Variants in TULP3 observed in about 807,000 individuals in gnomAD.
The protein encoded by TULP3 is TUB like protein 3, also known as tubby-related protein 3.
A neutral mutation model predicts 50.7 loss-of-function variants in TULP3; 38 were observed. The observed-to-expected ratio is 0.75, with a 90% CI of 0.58 to 0.98. The LOEUF (loss-of-function observed/expected upper bound fraction) is 0.98. Among genes scored for constraint, TULP3 ranks in the 50% least tolerant of loss-of-function variants. The pLI, the probability that TULP3 is intolerant of heterozygous loss-of-function variation, is 0.00. For synonymous variants in TULP3, 183 were observed against 196.6 expected (o/e 0.93, Z 0.58); for missense variants, 550 against 568.0 (o/e 0.97, Z 0.32).
intron 4 of TULP3, 110 bp from the exon 5 acceptor site, chr12:2,930,138 C>T (rs1315688356): frequency 3.7e-5 from 27 of 721,738 alleles, no homozygotes; most frequent in Non-Finnish European, 5.3e-5. Context: ...GTTGTGTTTA[C>T]GGTCAGAATA....
chr12:2,933,467 A>G lies in TULP3; in HGVS notation c.746A>G (p.Tyr249Cys), dbSNP rs1412934880. 6 of 1,613,878 alleles carry G rather than the reference A, an allele frequency of 3.7e-6. No individual in the cohort carries two copies. The highest frequency in any genetic ancestry group is 5.1e-6 in the Non-Finnish European group (6 of 1,180,008). The change falls in exon 7 of 11, where the codon TAC becomes TGC. Residue 249 changes from tyrosine to cysteine, a missense_variant. Tyr to Cys is a radical substitution (Grantham distance 194, BLOSUM62 -2). Transcript: ENST00000448120. ...RKRKKSKTANYLISIDPVDLS... is the reference protein window; with the variant it reads ...RKRKKSKTANCLISIDPVDLS... The stretch of plus-strand genomic sequence containing the variant: ...CGGAAAAAGAGCAAAACAGCCAACT[A>G]CCTTATCTCCATTGATCCAGTTGAT...
chr12:2,907,443 C>T (rs983896969), intron 1 of TULP3, among the ~76,000 whole-genome samples: 1 of 142,108 alleles, frequency 7.0e-6, no homozygotes, highest in Admixed American at 7.6e-5. Flanking sequence ...CCACTGCACT[C>T]CAGCCTGGGC....
At chr12:2,924,628 C>G (rs1250452542) in intron 4 of TULP3, among the ~76,000 whole-genome samples, 1 of 151,498 alleles carries the variant, frequency 6.6e-6, no homozygotes, top group Non-Finnish European at 1.5e-5. Context: ...ATGCAGTGAG[C>G]TATGATCATG....
chr12:2,910,293 C>T (rs7487042), intron 2 of TULP3, among the ~76,000 whole-genome samples: 72,435 of 151,686 alleles, frequency 0.48, 17,734 homozygotes, highest in African/African-American at 0.6. Context: ...AAAAAAAATC[C>T]CCATCGCATA....
At chr12:2,913,452 T>C (rs2098186855) in intron 2 of TULP3, among the ~76,000 whole-genome samples, 1 of 151,884 alleles carries the variant, frequency 6.6e-6, no homozygotes, top group African/African-American at 2.4e-5. Flanking sequence ...TATTTAGAGA[T>C]GGGATCTTGC....
chr12:2,897,327 C>T (rs1037847672), intron 1 of TULP3, among the ~76,000 whole-genome samples: 1 of 148,446 alleles, frequency 6.7e-6, no homozygotes, highest in Non-Finnish European at 1.5e-5. Flanking sequence ...TTTTTTAATA[C>T]AGGGGAAATT....
At chr12:2,906,272 C>T (rs1407141015) in intron 1 of TULP3, among the ~76,000 whole-genome samples, 1 of 149,022 alleles carries the variant, frequency 6.7e-6, no homozygotes, top group Admixed American at 6.6e-5. Flanking sequence ...CCTCGTGATC[C>T]GCTGGCCTCG....
chr12:2,915,585 C>T (rs2098188167), intron 2 of TULP3, among the ~76,000 whole-genome samples: 1 of 149,954 alleles, frequency 6.7e-6, no homozygotes, highest in African/African-American at 2.5e-5. Context: ...TGTCGCCAGG[C>T]TGGAGTGCAG....
chr12:2,893,819 T>C (rs1224351976), intron 1 of TULP3, among the ~76,000 whole-genome samples: 1 of 151,762 alleles, frequency 6.6e-6, no homozygotes, highest in Non-Finnish European at 1.5e-5. Context: ...TAATTTTTAT[T>C]TTTTTGTAGA....
Position 2,922,248 on chromosome 12 carries a change from A to G in TULP3, c.254-14A>G, listed in dbSNP as rs767560445. ...TTGCTCCTTTTTTAAAATTCATTTT[A>G]TTTTGGCCCTTAGGTATTGATGGTC... On this transcript the variant is annotated splice_polypyrimidine_tract_variant and intron_variant, in intron 3 of 10. Transcript: ENST00000448120. 2.5e-6 allele frequency: 4 copies of G among 1,603,950 alleles called. No individual in the cohort carries two copies. The highest frequency in any genetic ancestry group is 1.3e-5 in the African/African-American group (1 of 74,278).
Position 2,940,376 on chromosome 12 carries a change from A to T in TULP3, c.*932A>T. On this transcript the variant is annotated 3_prime_UTR_variant, in exon 11 of 11. Transcript: ENST00000448120. Reference sequence around the variant, plus strand: ...GGCTTTGGGGAGGATCAGCCAGCAGACATGAGCACTGCTGGCCCGTGTGGC... The same window carrying T: ...GGCTTTGGGGAGGATCAGCCAGCAGTCATGAGCACTGCTGGCCCGTGTGGC... 6.8e-7 allele frequency: 1 copy of T among 1,461,370 alleles called. No individual in the cohort carries two copies. The allele number at this position is 1,461,370 out of a possible 1,614,324, so 90.5% of individuals were successfully genotyped here.
chr12:2,932,534 TG>T (rs1346230341), intron 6 of TULP3, among the ~76,000 whole-genome samples: 2 of 147,008 alleles, frequency 1.4e-5, no homozygotes, highest in Non-Finnish European at 3.0e-5. Context: ...GAGCTGTGAT[TG>T]CACCACTGCA....
chr12:2,940,577 C>G lies in TULP3; in HGVS notation c.*1133C>G. 2 of 1,551,722 alleles carry G rather than the reference C, an allele frequency of 1.3e-6. No homozygotes were observed. Among genetic ancestry groups the G allele is most frequent in the East Asian group, 4.9e-5 (2 of 40,926 alleles). ...GCAGGAGCTCTGTGAGCTCCACCGT[C>G]AGCACCATTCAGCTGCATCCCTTGT... On this transcript the variant is annotated 3_prime_UTR_variant, in exon 11 of 11. Coordinates refer to ENST00000448120, the MANE Select transcript of TULP3 (RefSeq NM_003324.5).
chr12:2,925,018 A>G (rs192633499), intron 4 of TULP3, among the ~76,000 whole-genome samples: 227 of 152,246 alleles, frequency 1.5e-3, no homozygotes, highest in African/African-American at 4.9e-3. Context: ...TCTACTAAAA[A>G]TTAGCCAGGT....
At chr12:2,934,376 C>T (rs2098199876) in intron 7 of TULP3, 71 bp from the exon 8 acceptor site, 1 of 991,066 alleles carries the variant, frequency 1.0e-6, no homozygotes, top group Non-Finnish European at 1.4e-6. Context: ...TTCCATTTTC[C>T]TTCTCTTAGA....
intron 4 of TULP3, among the ~76,000 whole-genome samples, chr12:2,925,506 G>C (rs2098194211): frequency 6.6e-6 from 1 of 152,154 alleles, no homozygotes; most frequent in Non-Finnish European, 1.5e-5. Context: ...AGGGGAGCAG[G>C]GAAGTAGCTG....
At chr12:2,920,659 C>T (rs996450983) in intron 2 of TULP3, 104 bp from the exon 3 acceptor site, 15 of 1,369,114 alleles carry the variant, frequency 1.1e-5, no homozygotes, top group African/African-American at 8.7e-5. Context: ...AAATAATTTA[C>T]AAGATGTTTT....
chr12:2,898,447 G>C (rs1038949367), intron 1 of TULP3, among the ~76,000 whole-genome samples: 2 of 152,080 alleles, frequency 1.3e-5, no homozygotes, highest in African/African-American at 4.8e-5. Context: ...CTATAGGCAT[G>C]CACCATCACC....
At chr12:2,891,056 C>T in intron 1 of TULP3, 68 bp downstream of exon 1, 1 of 1,454,718 alleles carries the variant, frequency 6.9e-7, no homozygotes, top group Non-Finnish European at 9.1e-7. Context: ...GGCGGAGGTC[C>T]TCTCCGGGAG....
Sources: gnomAD v4.1 joint callset for allele counts (sites outside exome capture counted in the v4.1 genomes callset) on GRCh38, gnomAD v4.1.1 for gene constraint, MANE v1.5 for transcripts, NCBI Gene and HGNC (gene_info 2026-07-23, HGNC 2026-07-21) for gene names.